The following TBC1D8 variants were observed in gnomAD, a reference collection of about 807,000 sequenced individuals.
TBC1D8 encodes BUB2-like protein 1.
A neutral mutation model predicts 118.8 loss-of-function variants in TBC1D8; 65 were observed. That is an observed-to-expected ratio of 0.55 (90% confidence interval 0.45 to 0.67). The LOEUF (loss-of-function observed/expected upper bound fraction) is 0.67, where lower values mean the gene tolerates loss of function less well. TBC1D8 is among the 30% of genes least tolerant of loss of function. TBC1D8 has a pLI of 0.00. For missense variants in TBC1D8, 1,376 were observed against 1,471.2 expected (o/e 0.94, Z 1.06); for synonymous variants, 566 against 595.8 (o/e 0.95, Z 0.73).
chr2:101,105,830 C>A (rs1476784745), intron 1 of TBC1D8, among the ~76,000 whole-genome samples: 1 of 151,974 alleles, frequency 6.6e-6, no homozygotes, highest in Non-Finnish European at 1.5e-5. Context: ...CTAAACACAG[C>A]CTTATCGTAT....
intron 2 of TBC1D8, 39 bp downstream of exon 2, chr2:101,090,169 AC>A (rs753252941): frequency 6.3e-7 from 1 of 1,584,078 alleles, no homozygotes; most frequent in South Asian, 1.1e-5. Flanking sequence ...GCATGCTTAC[AC>A]CTTAAGGTTT....
Position 101,050,490 on chromosome 2 carries a change from C to T in TBC1D8, c.783G>A (p.Gln261=). 1.9e-6 allele frequency: 3 copies of T among 1,613,954 alleles called. No homozygotes were observed. The highest frequency in any genetic ancestry group is 2.5e-6 in the Non-Finnish European group (3 of 1,179,868). Residue 261 remains glutamine, a synonymous_variant, in exon 5 of 20, where the codon CAG becomes CAA. Transcript: ENST00000409318. The part of the protein sequence containing the change: ...NLDEVFKVME[Q]LADVTLRRLL... ...GCCTTCGCAGCGTCACGTCGGCCAG[C>T]TGCTCCATGACCTTAAACACCTCAT...
chr2:101,009,737 G>T (rs1013857983), intron 19 of TBC1D8, among the ~76,000 whole-genome samples: 1 of 151,736 alleles, frequency 6.6e-6, no homozygotes, highest in Non-Finnish European at 1.5e-5. Context: ...AGAAAAAAAA[G>T]ACTGAGAAAC....
intron 18 of TBC1D8, 56 bp from the exon 19 acceptor site, chr2:101,011,082 A>C: frequency 6.5e-7 from 1 of 1,542,462 alleles, no homozygotes; most frequent in South Asian, 1.1e-5. Context: ...AGTGACAGCA[A>C]AAAGGAAACT....
In TBC1D8 at chr2:101,109,938, G is replaced by A. The variant is rs182291063; in HGVS notation, c.128-19574C>T. On this transcript the variant is annotated intron_variant, in intron 1 of 19. Coordinates refer to ENST00000409318, the MANE Select transcript of TBC1D8 (RefSeq NM_001330348.2). ...TGAGGCCCCACTCAAGGGCTGCAGG[G>A]CCGCCACCTCGTGCATCCTGCTTTC... The A allele has an allele frequency of 1.3e-5, 13 of 985,454 alleles. No individual in the cohort carries two copies. In the Admixed American group the frequency reaches 1.8e-4, roughly 14 times the overall value. 61.0% of individuals were successfully genotyped at this position (985,454 alleles called of 1,614,324 possible).
At position 101,035,935 on chromosome 2, in the gene TBC1D8, AAC is replaced by A. The variant is rs1460229599; in HGVS notation, c.1603+81_1603+82del. On this transcript the variant is annotated intron_variant, in intron 9 of 19. Coordinates refer to ENST00000409318, the MANE Select transcript of TBC1D8 (RefSeq NM_001330348.2). Reference sequence around the variant, plus strand: ...GACAGAACCATTTCATCTGCACATAAACACACGCGCTGCTCGGGTCCGGGCTG... The same window carrying A: ...GACAGAACCATTTCATCTGCACATAAACACGCGCTGCTCGGGTCCGGGCTG... 4.7e-6 allele frequency: 7 copies of A among 1,494,784 alleles called. No individual in the cohort carries two copies. In the African/African-American group the frequency reaches 6.9e-5, roughly 15 times the overall value. The allele number at this position is 1,494,784 out of a possible 1,614,324, so 92.6% of individuals were successfully genotyped here.
At chr2:101,062,723 A>ACTCTGCCTCCCGGGTTCAAGTGATT (rs1424625526) in intron 2 of TBC1D8, among the ~76,000 whole-genome samples, 5 of 152,014 alleles carry the variant, frequency 3.3e-5, no homozygotes, top group African/African-American at 1.2e-4. Context: ...GCTCACTGTA[A>ACTCTGCCTCCCGGGTTCAAGTGATT]CTCTGCCTCC....
intron 2 of TBC1D8, among the ~76,000 whole-genome samples, chr2:101,073,725 T>C (rs1674625876): frequency 6.6e-6 from 1 of 152,228 alleles, no homozygotes; most frequent in Admixed American, 6.5e-5. Context: ...TACTTTTATG[T>C]TATGGAGATG....
chr2:101,082,070 C>T (rs1675300938), intron 2 of TBC1D8, among the ~76,000 whole-genome samples: 2 of 152,178 alleles, frequency 1.3e-5, no homozygotes, highest in Non-Finnish European at 2.9e-5. Context: ...GCCTGGGAGG[C>T]GGAGGTTGCC....
At chr2:101,026,189 C>A (rs1680326378) in intron 15 of TBC1D8, among the ~76,000 whole-genome samples, 1 of 151,986 alleles carries the variant, frequency 6.6e-6, no homozygotes, top group Non-Finnish European at 1.5e-5. Flanking sequence ...GAACAATTAG[C>A]CCTAAATAAA....
At chr2:101,144,357 C>T (rs146230308) in intron 1 of TBC1D8, among the ~76,000 whole-genome samples, 2 of 152,022 alleles carry the variant, frequency 1.3e-5, no homozygotes, top group African/African-American at 2.4e-5. Context: ...GGAGCTCAGG[C>T]GGAGCCCCAA....
chr2:101,020,230 G>A (rs190247705), intron 17 of TBC1D8, among the ~76,000 whole-genome samples: 1 of 152,080 alleles, frequency 6.6e-6, no homozygotes, highest in African/African-American at 2.4e-5. Flanking sequence ...CCAAAATAAT[G>A]TTTGTTTTAA....
At position 101,053,999 on chromosome 2, in the gene TBC1D8, C is replaced by T. The variant is rs141966004; in HGVS notation, c.631+109G>A. 505 of 984,204 alleles carry T rather than the reference C, an allele frequency of 5.1e-4. No homozygotes were observed. In the African/African-American group the frequency reaches 7.6e-3, roughly 15 times the overall value. 61.0% of individuals were successfully genotyped at this position (984,204 alleles called of 1,614,324 possible). A position where few individuals can be genotyped will look rare whatever the true frequency, so the allele number is the denominator to read the frequency against. On this transcript the variant is annotated intron_variant, in intron 4 of 19. Transcript: ENST00000409318. The stretch of plus-strand genomic sequence containing the variant: ...CAAGTGTCACCTGGTGTCATCTCCA[C>T]CATTTATTTAAATCTGTCCAACTCT...
At chr2:101,064,605 T>C (rs1051920176) in intron 2 of TBC1D8, among the ~76,000 whole-genome samples, 1 of 152,216 alleles carries the variant, frequency 6.6e-6, no homozygotes, top group Non-Finnish European at 1.5e-5. Flanking sequence ...AAAATGAAAG[T>C]CCAGTGAATC....
chr2:101,079,132 T>C (rs1314952646), intron 2 of TBC1D8, among the ~76,000 whole-genome samples: 2 of 152,138 alleles, frequency 1.3e-5, no homozygotes, highest in Non-Finnish European at 1.5e-5. Context: ...TTTTTTATCA[T>C]TAAGGAATCA....
rs115613909 is a variant in TBC1D8, at chr2:101,017,574, A to T, written c.2827+4107T>A. Among the ~76,000 whole-genome samples, 489 of 152,340 alleles carry T rather than the reference A, an allele frequency of 3.2e-3. 3 individuals are homozygous for T. The highest frequency in any genetic ancestry group is 0.011 in the African/African-American group (474 of 41,580). On this transcript the variant is annotated intron_variant, in intron 17 of 19. Coordinates refer to ENST00000409318, the MANE Select transcript of TBC1D8 (RefSeq NM_001330348.2). ...TGCCCAGAACGTCCCTATGTGGCAC[A>T]CAACAGTATATATTTATCAGTACCT...
chr2:101,086,775 CA>C (rs1250590726), intron 2 of TBC1D8, among the ~76,000 whole-genome samples: 1 of 152,048 alleles, frequency 6.6e-6, no homozygotes, highest in Non-Finnish European at 1.5e-5. Context: ...AAAAAAATCG[CA>C]AAAAAATTTC....
At position 101,021,705 on chromosome 2, in the gene TBC1D8, A is replaced by G; in HGVS notation, c.2803T>C (p.Leu935=). 1 of 1,601,358 alleles carries G rather than the reference A, an allele frequency of 6.2e-7. No homozygotes were observed. The highest frequency in any genetic ancestry group is 8.5e-7 in the Non-Finnish European group (1 of 1,171,852). The change falls in exon 17 of 20, where the codon TTA becomes CTA. Residue 935 remains leucine, a synonymous_variant. Transcript: ENST00000409318. ...NGEMNEKIKL[L]YRLHIPPALT... is the part of the protein sequence containing the mutation. The stretch of plus-strand genomic sequence containing the variant: ...CCTGGAGGGATATGAAGCCTGTATA[A>G]TAGTTTAATCTTCTCATTCATTTCT...
rs540870230 is a variant in TBC1D8 at position 101,060,396 on chromosome 2, T to C, written c.284-857A>G. On this transcript the variant is annotated intron_variant, in intron 2 of 19. Transcript: ENST00000409318. ...AGCAAGGGCCTAGGAAATTTACAGC[T>C]TACAAATGCATACTTCATATCATTT... Among the ~76,000 whole-genome samples the C allele has an allele frequency of 9.2e-5, 14 of 152,246 alleles. 1 individual carries two copies. In the South Asian group the frequency reaches 2.9e-3, roughly 32 times the overall value.
Sources: gnomAD v4.1 joint callset for allele counts (sites outside exome capture counted in the v4.1 genomes callset) on GRCh38, gnomAD v4.1.1 for gene constraint, MANE v1.5 for transcripts, NCBI Gene and HGNC (gene_info 2026-07-23, HGNC 2026-07-21) for gene names.